CFAP47: variants seen among roughly 807,000 people sequenced by gnomAD.
CFAP47 encodes cilia- and flagella-associated protein 47.
CFAP47 carries 29 observed loss-of-function variants against 148.1 expected under a neutral mutation model. The ratio of observed to expected loss-of-function variants is 0.20; its 90% CI spans 0.15 to 0.27. The LOEUF is 0.27. Among genes scored for constraint, CFAP47 ranks in the 10% least tolerant of loss-of-function variants. CFAP47 has a pLI of 1.00. For missense variants in CFAP47, 1,872 were observed against 1,697.5 expected, an observed-to-expected ratio of 1.10 and a Z score of -1.81; for synonymous variants, 664 against 577.3, an observed-to-expected ratio of 1.15 and a Z score of -2.15.
Position 35,923,383 on chromosome X carries a change from C to A in CFAP47, c.250-2634C>A, listed in dbSNP as rs73197105. Among the ~76,000 whole-genome samples, 901 of 111,595 alleles carry A rather than the reference C, an allele frequency of 8.1e-3. 4 individuals are homozygous for A. Among genetic ancestry groups the A allele is most frequent in the South Asian group, 0.047 (125 of 2,661 alleles). ...TATAAATGCATAATAGATATTATTT[C>A]TCTTTTTTCTCCCTTTATATTTTTC... is the stretch of plus-strand genomic sequence containing the variant. On this transcript the variant is annotated intron_variant, in intron 1 of 63. Coordinates refer to ENST00000378653, the MANE Select transcript of CFAP47 (RefSeq NM_001304548.2).
chrX:36,345,395 A>G (rs1556016391), intron 57 of CFAP47, among the ~76,000 whole-genome samples: 1 of 110,870 alleles, frequency 9.0e-6, no homozygotes, highest in African/African-American at 3.3e-5. Context: ...AGATTCTCAT[A>G]AGCAGCCTGC....
chrX:36,269,160 C>T (rs1940929823), intron 49 of CFAP47, among the ~76,000 whole-genome samples: 1 of 111,915 alleles, frequency 8.9e-6, no homozygotes, highest in Non-Finnish European at 1.9e-5. Flanking sequence ...ACTAAAATTC[C>T]TTTTATAGCT....
rs759609788 is a variant in CFAP47, at chrX:35,924,513, A to G, written c.250-1504A>G. The stretch of plus-strand genomic sequence containing the variant: ...CCTATATGTGTATATAGGTGCACAT[A>G]TATGTGTATATATGCACATATATGT... On this transcript the variant is annotated intron_variant, in intron 1 of 63. Coordinates refer to ENST00000378653, the MANE Select transcript of CFAP47 (RefSeq NM_001304548.2). Among the ~76,000 whole-genome samples the G allele has an allele frequency of 4.4e-3, 456 of 103,379 alleles. 12 individuals carry two copies. Among genetic ancestry groups the G allele is most frequent in the African/African-American group, 0.017 (445 of 26,887 alleles). The allele number at this position is 103,379 out of a possible 115,157, so 89.8% of individuals were successfully genotyped here.
At chrX:36,243,090 G>C (rs1029749000) in intron 48 of CFAP47, among the ~76,000 whole-genome samples, 19 of 111,365 alleles carry the variant, frequency 1.7e-4, no homozygotes, top group African/African-American at 6.2e-4. Flanking sequence ...ACCCAACAAA[G>C]CTTCATAAGT....
intron 21 of CFAP47, among the ~76,000 whole-genome samples, chrX:36,009,599 C>T (rs1233658709): frequency 1.8e-5 from 2 of 111,994 alleles, no homozygotes; most frequent in Non-Finnish European, 3.8e-5. Context: ...GAGTTGAAAC[C>T]TCAGGAAAAT....
At chrX:36,148,901 ATGTG>A (rs60968920) in intron 36 of CFAP47, among the ~76,000 whole-genome samples, 72 of 92,246 alleles carry the variant, frequency 7.8e-4, no homozygotes, top group South Asian at 1.6e-3. Flanking sequence ...AACTGTATGT[ATGTG>A]TGTGTGTGTG....
intron 49 of CFAP47, among the ~76,000 whole-genome samples, chrX:36,258,656 C>T (rs1376858014): frequency 2.7e-5 from 3 of 111,574 alleles, no homozygotes; most frequent in African/African-American, 9.8e-5. Context: ...GAAAGGCCAC[C>T]ATCGACATAT....
chrX:36,245,525 G>A (rs1462705928), intron 48 of CFAP47, among the ~76,000 whole-genome samples: 4 of 111,734 alleles, frequency 3.6e-5, no homozygotes, highest in Admixed American at 9.5e-5. Context: ...AACATCAGTA[G>A]CATTTCTATC....
chrX:36,040,290 T>C (rs1569239815), intron 25 of CFAP47, among the ~76,000 whole-genome samples: 1 of 112,221 alleles, frequency 8.9e-6, no homozygotes, highest in Non-Finnish European at 1.9e-5. Context: ...AATTCTAAAA[T>C]TCTATGTATA....
chrX:36,008,686 C>T (rs1937006688), intron 21 of CFAP47, among the ~76,000 whole-genome samples: 2 of 110,310 alleles, frequency 1.8e-5, no homozygotes, highest in African/African-American at 6.6e-5. Context: ...AGGAGAATCG[C>T]TTGAACCCAG....
At chrX:36,178,503 C>A (rs776181529) in intron 39 of CFAP47, among the ~76,000 whole-genome samples, 70 of 110,951 alleles carry the variant, frequency 6.3e-4, no homozygotes, top group Non-Finnish European at 1.1e-3. Flanking sequence ...AAGACAAAAA[C>A]TTTTGATTAA....
intron 22 of CFAP47, among the ~76,000 whole-genome samples, chrX:36,015,893 G>T (rs1286885467): frequency 9.0e-6 from 1 of 111,509 alleles, no homozygotes; most frequent in Non-Finnish European, 1.9e-5. Flanking sequence ...TTAATATTTT[G>T]ATATCTTTTT....
intron 49 of CFAP47, among the ~76,000 whole-genome samples, chrX:36,252,524 A>T (rs1213669795): frequency 1.8e-5 from 2 of 110,983 alleles, no homozygotes; most frequent in Non-Finnish European, 3.8e-5. Context: ...ATCTTCTGAA[A>T]TCTTCCCCTT....
intron 57 of CFAP47, among the ~76,000 whole-genome samples, chrX:36,337,600 C>T: frequency 9.0e-6 from 1 of 111,718 alleles, no homozygotes; most frequent in Non-Finnish European, 1.9e-5. Flanking sequence ...TGTAACACTT[C>T]TGCCCCTTTT....
intron 30 of CFAP47, 39 bp downstream of exon 30, chrX:36,085,577 G>C (rs1938070009): frequency 1.1e-6 from 1 of 870,091 alleles, no homozygotes; most frequent in African/African-American, 2.1e-5. Flanking sequence ...ATATAACTCT[G>C]GCTTGGATAG....
chrX:36,121,890 GA>G (rs780030713), intron 33 of CFAP47, among the ~76,000 whole-genome samples: 36 of 110,987 alleles, frequency 3.2e-4, no homozygotes, highest in South Asian at 3.8e-4. Context: ...ACCATCAGAT[GA>G]TTTTTTTATT....
chrX:35,939,093 C>A (rs1377404844), intron 2 of CFAP47, among the ~76,000 whole-genome samples: 1 of 110,750 alleles, frequency 9.0e-6, no homozygotes, highest in African/African-American at 3.3e-5. Flanking sequence ...GCATAGACCT[C>A]TTTGTTCTAT....
At chrX:35,994,851 C>G (rs1453442419) in intron 18 of CFAP47, among the ~76,000 whole-genome samples, 1 of 111,287 alleles carries the variant, frequency 9.0e-6, no homozygotes, top group Non-Finnish European at 1.9e-5. Flanking sequence ...ATGCACTAAT[C>G]TCTTGTAAAT....
intron 51 of CFAP47, among the ~76,000 whole-genome samples, chrX:36,291,524 T>C (rs1275784436): frequency 9.0e-6 from 1 of 111,029 alleles, no homozygotes; most frequent in Non-Finnish European, 1.9e-5. Context: ...TACTCTGTCA[T>C]TATGAACTAT....
Sources: allele counts gnomAD v4.1 joint callset (sites outside exome capture counted in the v4.1 genomes callset), GRCh38; gene constraint gnomAD v4.1.1; transcripts MANE v1.5; gene names NCBI Gene and HGNC (gene_info 2026-07-23, HGNC 2026-07-21).